Variants in PTPRD observed in about 807,000 individuals in gnomAD.
PTPRD encodes the protein receptor-type tyrosine-protein phosphatase delta.
Under a neutral mutation model 214.5 loss-of-function variants are expected in PTPRD, and 34 were observed. That is an observed-to-expected ratio of 0.16 (90% CI 0.12 to 0.21). The LOEUF (loss-of-function observed/expected upper bound fraction) is 0.21. Among genes scored for constraint, PTPRD ranks in the 10% least tolerant of loss-of-function variants. PTPRD has a pLI of 1.00. For synonymous variants in PTPRD, 1,128 were observed against 845.7 expected, an observed-to-expected ratio of 1.33 and a Z score of -5.79; for missense variants, 2,545 against 2,398.7, an observed-to-expected ratio of 1.06 and a Z score of -1.27.
chr9:8,384,669 G>T (rs1445901025), intron 37 of PTPRD, among the ~76,000 whole-genome samples: 1 of 152,112 alleles, frequency 6.6e-6, no homozygotes, highest in African/African-American at 2.4e-5. Context: ...TGGGATTACA[G>T]GCGTGTGCCA....
In PTPRD at chr9:9,736,011, T is replaced by C. The variant is rs141968335; in HGVS notation, c.-325-1440A>G. Reference sequence around the variant, plus strand: ...AAGCCTGTGGCTTGTTCTGTCACACTGGGTAAGTGTATATGTATATACAAA... The same window carrying C: ...AAGCCTGTGGCTTGTTCTGTCACACCGGGTAAGTGTATATGTATATACAAA... On this transcript the variant is annotated intron_variant, in intron 6 of 45. Transcript: ENST00000381196. Among the ~76,000 whole-genome samples, 8 of 152,238 alleles carry C rather than the reference T, an allele frequency of 5.3e-5. No homozygotes were observed. The East Asian group carries it at 1.5e-3, about 29-fold the overall frequency.
chr9:10,386,408 A>T (rs957082068), intron 2 of PTPRD, among the ~76,000 whole-genome samples: 9 of 151,942 alleles, frequency 5.9e-5, no homozygotes, highest in African/African-American at 2.2e-4. Flanking sequence ...CTCCATCATC[A>T]ATCTTTATCA....
At chr9:10,262,166 T>G (rs1259808973) in intron 3 of PTPRD, among the ~76,000 whole-genome samples, 1 of 151,748 alleles carries the variant, frequency 6.6e-6, no homozygotes, top group Non-Finnish European at 1.5e-5. Flanking sequence ...TCTAAAAAGG[T>G]GAAATTAAAA....
chr9:9,865,619 A>G (rs564225813), intron 5 of PTPRD, among the ~76,000 whole-genome samples: 34 of 152,300 alleles, frequency 2.2e-4, no homozygotes, highest in African/African-American at 7.9e-4. Flanking sequence ...ATTCTGTTAT[A>G]AACAACAGAA....
chr9:9,612,339 C>A (rs1489907828), intron 7 of PTPRD, among the ~76,000 whole-genome samples: 1 of 152,092 alleles, frequency 6.6e-6, no homozygotes, highest in Non-Finnish European at 1.5e-5. Context: ...CTCTGCCCTG[C>A]CACCCCACGA....
intron 5 of PTPRD, among the ~76,000 whole-genome samples, chr9:9,922,950 TATTCTA>T (rs112805009): frequency 0.34 from 50,870 of 151,352 alleles, 8,916 homozygotes; most frequent in East Asian, 0.63. Context: ...ATACTGCTAG[TATTCTA>T]ATTCTATCAA....
At chr9:9,388,627 T>A (rs2064731002) in intron 9 of PTPRD, among the ~76,000 whole-genome samples, 1 of 152,048 alleles carries the variant, frequency 6.6e-6, no homozygotes, top group African/African-American at 2.4e-5. Flanking sequence ...TACAAGTTTA[T>A]GAAGAAACAT....
At chr9:8,513,048 C>T (rs1186378330) in intron 21 of PTPRD, among the ~76,000 whole-genome samples, 1 of 151,846 alleles carries the variant, frequency 6.6e-6, no homozygotes, top group Non-Finnish European at 1.5e-5. Flanking sequence ...AATATAAATA[C>T]TTTCCTTGTC....
chr9:9,551,108 C>T (rs1282353438), intron 8 of PTPRD, among the ~76,000 whole-genome samples: 1 of 151,760 alleles, frequency 6.6e-6, no homozygotes, highest in Non-Finnish European at 1.5e-5. Context: ...AATGTATATT[C>T]TTGAAAAATA....
intron 7 of PTPRD, among the ~76,000 whole-genome samples, chr9:9,675,233 C>A (rs369242034): frequency 6.6e-6 from 1 of 151,810 alleles, no homozygotes; most frequent in South Asian, 2.1e-4. Flanking sequence ...ACATTTTGAA[C>A]TTAATGATTT....
At chr9:9,022,037 C>A (rs922046894) in intron 10 of PTPRD, among the ~76,000 whole-genome samples, 3 of 151,904 alleles carry the variant, frequency 2.0e-5, no homozygotes, top group East Asian at 1.9e-4. Flanking sequence ...GGGCTTAAAA[C>A]CTAGATGACC....
At chr9:9,042,769 C>T (rs2154384734) in intron 10 of PTPRD, among the ~76,000 whole-genome samples, 2 of 152,096 alleles carry the variant, frequency 1.3e-5, no homozygotes, top group Middle Eastern at 6.8e-3. Flanking sequence ...CTTGGTTTCC[C>T]AGCCTCCTTT....
chr9:8,662,868 A>C (rs1333392304), intron 12 of PTPRD, among the ~76,000 whole-genome samples: 1 of 152,126 alleles, frequency 6.6e-6, no homozygotes, highest in Non-Finnish European at 1.5e-5. Context: ...TATGATGATT[A>C]TCTTAAAGGA....
intron 9 of PTPRD, among the ~76,000 whole-genome samples, chr9:9,245,421 A>T (rs1222326759): frequency 6.6e-6 from 1 of 152,170 alleles, no homozygotes; most frequent in Admixed American, 6.6e-5. Context: ...CATATACACC[A>T]CGGAGTACTA....
intron 2 of PTPRD, among the ~76,000 whole-genome samples, chr9:10,577,180 A>G (rs909176712): frequency 1.3e-5 from 2 of 152,176 alleles, no homozygotes; most frequent in Admixed American, 6.5e-5. Context: ...TTGTTTAACA[A>G]GGATATCCAT....
At chr9:8,426,018 A>G (rs1380959723) in intron 35 of PTPRD, among the ~76,000 whole-genome samples, 1 of 152,178 alleles carries the variant, frequency 6.6e-6, no homozygotes, top group African/African-American at 2.4e-5. Context: ...TTGCTTTCAT[A>G]GAGCTCCTTT....
At chr9:9,697,256 C>T (rs756339463) in intron 7 of PTPRD, among the ~76,000 whole-genome samples, 6 of 151,970 alleles carry the variant, frequency 3.9e-5, no homozygotes, top group Non-Finnish European at 7.4e-5. Context: ...TGTCTGTGTC[C>T]TTACTTTTAC....
At chr9:9,463,335 T>A (rs62533169) in intron 8 of PTPRD, among the ~76,000 whole-genome samples, 9,943 of 152,116 alleles carry the variant, frequency 0.065, 386 homozygotes, top group South Asian at 0.13. Flanking sequence ...ATTAACCAAA[T>A]CTAGACTCCT....
intron 2 of PTPRD, among the ~76,000 whole-genome samples, chr9:10,464,039 A>G (rs2131396914): frequency 6.6e-6 from 1 of 152,272 alleles, no homozygotes; most frequent in Non-Finnish European, 1.5e-5. Context: ...CATAAAGTAT[A>G]AGTACAAATA....
Sources: allele counts gnomAD v4.1 joint callset (sites outside exome capture counted in the v4.1 genomes callset), GRCh38; gene constraint gnomAD v4.1.1; transcripts MANE v1.5; gene names NCBI Gene and HGNC (gene_info 2026-07-23, HGNC 2026-07-21).